INSL6: variants seen among roughly 807,000 people sequenced by gnomAD.
INSL6 encodes the protein insulin like 6.
INSL6 carries 16 observed loss-of-function variants against 9.4 expected under a neutral mutation model. The observed-to-expected ratio is 1.70, with a 90% CI of 1.15 to 2.59. INSL6 has a LOEUF of 2.59. Ranked by LOEUF, INSL6 falls within the 30% of genes most tolerant of loss-of-function variation. INSL6 has a pLI of 0.00. For missense variants in INSL6, 391 were observed against 257.3 expected (o/e 1.52, Z -3.56); for synonymous variants, 154 against 96.9 (o/e 1.59, Z -3.46).
chr9:5,175,991 A>G (rs1279871241), intron 1 of INSL6, among the ~76,000 whole-genome samples: 1 of 152,122 alleles, frequency 6.6e-6, no homozygotes, highest in Non-Finnish European at 1.5e-5. Context: ...CCAAGGAAAA[A>G]TTGTCTTCCA....
chr9:5,112,185 C>T, the INSL6 span: 1 of 270,394 alleles, frequency 3.7e-6, no homozygotes, highest in Non-Finnish European at 7.5e-6. Flanking sequence ...GGGCGCTGGC[C>T]TTGGGCTTCG....
Position 5,130,856 on chromosome 9 carries a change from G to A in INSL6, c.*10+2569C>T, listed in dbSNP as rs571853949. ...CCATTCTCCTGCCTCAGCCTCCCGC[G>A]TAGCTGGGACTACAGGCGCCTGCCA... On this transcript the variant is annotated intron_variant, in intron 3 of 3. Coordinates refer to the INSL6 transcript ENST00000649639. Among the ~76,000 whole-genome samples the A allele has an allele frequency of 1.2e-3, 187 of 150,294 alleles. 1 individual carries two copies. The highest frequency in any genetic ancestry group is 4.3e-3 in the African/African-American group (177 of 40,862).
At chr9:5,112,121 G>T in the INSL6 span, 1 of 321,766 alleles carries the variant, frequency 3.1e-6, no homozygotes, top group South Asian at 2.5e-5. Flanking sequence ...CACGTGCTCT[G>T]CAGCCACGCC....
the INSL6 span, among the ~76,000 whole-genome samples, chr9:4,999,111 C>T: frequency 1.3e-5 from 2 of 152,170 alleles, no homozygotes; most frequent in African/African-American, 4.8e-5. Context: ...AGGCGTGAGC[C>T]ACCGCACCCG....
the INSL6 span, among the ~76,000 whole-genome samples, chr9:5,007,326 G>A: frequency 6.6e-6 from 1 of 152,040 alleles, no homozygotes; most frequent in African/African-American, 2.4e-5. Flanking sequence ...GTTATTCTTT[G>A]TACCATGGGT....
chr9:5,103,221 CAAAAAAAAAAAAAAAAA>C, the INSL6 span, among the ~76,000 whole-genome samples: 235 of 6,864 alleles, frequency 0.034, 4 homozygotes, highest in Non-Finnish European at 0.045. Flanking sequence ...AAAGGGAAAG[CAAAAAAAAAAAAAAAAA>C]AAAAAAAAAA....
chr9:5,103,379 A>AAT, the INSL6 span, among the ~76,000 whole-genome samples: 1 of 151,994 alleles, frequency 6.6e-6, no homozygotes, highest in Non-Finnish European at 1.5e-5. Flanking sequence ...AACTATACTA[A>AAT]ATATATAGGT....
chr9:5,038,767 G>C, the INSL6 span, among the ~76,000 whole-genome samples: 1,616 of 152,154 alleles, frequency 0.011, 29 homozygotes, highest in African/African-American at 0.038. Context: ...AGATTTTCAG[G>C]TTAGGAATGC....
the INSL6 span, among the ~76,000 whole-genome samples, chr9:5,077,225 A>G: frequency 6.7e-6 from 1 of 150,016 alleles, no homozygotes; most frequent in East Asian, 1.9e-4. Context: ...CATTTATGTT[A>G]TATATAATAA....
At chr9:5,011,815 C>T in the INSL6 span, among the ~76,000 whole-genome samples, 1 of 152,176 alleles carries the variant, frequency 6.6e-6, no homozygotes, top group African/African-American at 2.4e-5. Context: ...CCTGCGGAGG[C>T]TTGGTTTTAG....
At chr9:4,995,330 T>C in the INSL6 span, among the ~76,000 whole-genome samples, 3 of 152,196 alleles carry the variant, frequency 2.0e-5, no homozygotes, top group African/African-American at 7.2e-5. Flanking sequence ...TTTGATTCTG[T>C]AGATAGTGTG....
chr9:5,096,653 CT>C, the INSL6 span: 1 of 152,216 alleles, frequency 6.6e-6, no homozygotes, highest in Non-Finnish European at 1.5e-5. Flanking sequence ...CCATTTTACC[CT>C]TTTTTCCACT....
At chr9:4,992,966 C>G in the INSL6 span, among the ~76,000 whole-genome samples, 27 of 152,200 alleles carry the variant, frequency 1.8e-4, no homozygotes, top group African/African-American at 6.5e-4. Flanking sequence ...TCCCCCACCC[C>G]TGCACCCAAC....
At chr9:5,149,800 A>G (rs1364126129) in intron 2 of INSL6, among the ~76,000 whole-genome samples, 4 of 152,230 alleles carry the variant, frequency 2.6e-5, no homozygotes, top group Non-Finnish European at 4.4e-5. Context: ...AAACAATAAA[A>G]TAAAAATTTA....
At chr9:5,031,934 C>G in the INSL6 span, among the ~76,000 whole-genome samples, 1 of 152,226 alleles carries the variant, frequency 6.6e-6, no homozygotes, top group East Asian at 1.9e-4. Flanking sequence ...GTGCAGCACA[C>G]TGAGCATGAG....
the INSL6 span, among the ~76,000 whole-genome samples, chr9:5,045,500 C>T: frequency 3.0e-4 from 45 of 152,268 alleles, no homozygotes; most frequent in African/African-American, 9.4e-4. Flanking sequence ...ACAACCATCA[C>T]CACCATCCAT....
chr9:5,053,464 G>A, the INSL6 span, among the ~76,000 whole-genome samples: 1 of 151,926 alleles, frequency 6.6e-6, no homozygotes, highest in Non-Finnish European at 1.5e-5. Context: ...ATCATTTGTA[G>A]CACAAAAGTT....
chr9:5,083,715 T>C, the INSL6 span, among the ~76,000 whole-genome samples: 1 of 152,120 alleles, frequency 6.6e-6, no homozygotes, highest in Non-Finnish European at 1.5e-5. Flanking sequence ...AAAGAATACA[T>C]CAAAAGATCA....
rs78879952 is a variant in INSL6 at position 5,174,372 on chromosome 9, A to C, written c.290-10107T>G. On this transcript the variant is annotated intron_variant, in intron 1 of 1. Transcript: ENST00000381641. ...GACTTTCATTTCATCACTCTACCAA[A>C]ACTTCTCTTATGAAGGTCACAAACA... Among the ~76,000 whole-genome samples the C allele has an allele frequency of 5.6e-3, 851 of 152,248 alleles. 4 individuals are homozygous for C. Among genetic ancestry groups the C allele is most frequent in the African/African-American group, 0.019 (784 of 41,544 alleles).
Sources: gnomAD v4.1 joint callset for allele counts (sites outside exome capture counted in the v4.1 genomes callset) on GRCh38, gnomAD v4.1.1 for gene constraint, MANE v1.5 for transcripts, NCBI Gene and HGNC (gene_info 2026-07-23, HGNC 2026-07-21) for gene names.